Variants in AMPD2 observed in about 807,000 individuals in gnomAD.
AMPD2 encodes adenosine monophosphate deaminase 2.
A neutral mutation model predicts 91.3 loss-of-function variants in AMPD2; 52 were observed. The observed-to-expected ratio is 0.57, with a 90% CI of 0.46 to 0.72. AMPD2 has a LOEUF of 0.72. AMPD2 is among the 30% of genes least tolerant of loss of function. AMPD2 has a pLI of 0.00. For synonymous variants in AMPD2, 455 were observed against 456.4 expected (o/e 1.00, Z 0.04); for missense variants, 822 against 1,122.3 (o/e 0.73, Z 3.82).
At chr1:109,620,471 T>TG in intron 1 of AMPD2, 193 bp downstream of exon 1, 2 of 1,183,836 alleles carry the variant, frequency 1.7e-6, no homozygotes, top group Non-Finnish European at 2.2e-6. Flanking sequence ...CTAGGGTCTC[T>TG]GTCCCAGACC....
chr1:109,621,135 GCCGCTCAGACTCCC>G lies in AMPD2; in HGVS notation c.-35_-22del, dbSNP rs780593625. On this transcript the variant is annotated 5_prime_UTR_variant, in exon 2 of 19. Transcript: ENST00000528667. Reference sequence around the variant, plus strand: ...GTGGCAGAGCCAGGCCCCAGCCGGTGCCGCTCAGACTCCCCCGCTGTCGCCGCCGTGGTCCCAGC... The same window carrying G: ...GTGGCAGAGCCAGGCCCCAGCCGGTGCCGCTGTCGCCGCCGTGGTCCCAGC... 6 of 1,598,292 alleles carry G rather than the reference GCCGCTCAGACTCCC, an allele frequency of 3.8e-6. No individual in the cohort carries two copies. In the African/African-American group the frequency reaches 6.7e-5, roughly 18 times the overall value.
chr1:109,627,416 C>T lies in AMPD2; in HGVS notation c.861-13C>T, dbSNP rs753907099. On this transcript the variant is annotated splice_polypyrimidine_tract_variant and intron_variant, in intron 8 of 18. Transcript: ENST00000528667. ...CGGCTTGCTCTCCTCACCCAAGCTCCCCTCCATGCCAGTTGCTCAGAGGTG... is the reference window on the plus strand; with the variant it reads ...CGGCTTGCTCTCCTCACCCAAGCTCTCCTCCATGCCAGTTGCTCAGAGGTG... 1 of 1,613,960 alleles carries T rather than the reference C, an allele frequency of 6.2e-7. No individual in the cohort carries two copies. Among genetic ancestry groups the T allele is most frequent in the Non-Finnish European group, 8.5e-7 (1 of 1,179,980 alleles).
chr1:109,629,268 G>A lies in AMPD2; in HGVS notation c.1698+33G>A, dbSNP rs776742082. ...GGCAGCGCAGAGCTGGGTATGGGGA[G>A]GGCAGCCGGCTTCGCATCCAGCTGC... On this transcript the variant is annotated intron_variant, in intron 14 of 18. Transcript: ENST00000528667. 3 of 1,613,886 alleles carry A rather than the reference G, an allele frequency of 1.9e-6. No homozygotes were observed. In the Admixed American group the frequency reaches 5.0e-5, roughly 27 times the overall value.
At chr1:109,630,478 C>T (rs541220308) in intron 17 of AMPD2, 72 bp downstream of exon 17, 11 of 48,104 alleles carry the variant, frequency 2.3e-4, no homozygotes, top group African/African-American at 2.1e-3. Flanking sequence ...GGGTGGGGGG[C>T]GGTGGGGGGG....
At chr1:109,621,364 G>A (rs560167058) in intron 2 of AMPD2, 98 bp downstream of exon 2, 6 of 1,322,724 alleles carry the variant, frequency 4.5e-6, no homozygotes, top group East Asian at 2.7e-5. Context: ...CACCTCCTCC[G>A]GCATCCTCTC....
chr1:109,627,925 G>A (rs369930523), intron 10 of AMPD2, 22 bp downstream of exon 10: 27 of 1,612,460 alleles, frequency 1.7e-5, no homozygotes, highest in African/African-American at 5.4e-5. Flanking sequence ...CCCCGTGGCC[G>A]TCTCCATGTC....
chr1:109,621,196 C>T lies in AMPD2; in HGVS notation c.21C>T (p.Gly7=), dbSNP rs762011633. The T allele has an allele frequency of 1.9e-6, 3 of 1,607,812 alleles. No homozygotes were observed. Among genetic ancestry groups the T allele is most frequent in the Admixed American group, 3.4e-5 (2 of 59,370 alleles). MASYPS[G]SGKPKAKYPF... ...CAGCCATGGCATCCTATCCATCTGG[C>T]TCTGGCAAGCCCAAGGCCAAATATC... The change falls in exon 2 of 19, where the codon GGC becomes GGT. Residue 7 remains glycine, a synonymous_variant. Transcript: ENST00000528667.
Position 109,626,924 on chromosome 1 carries a change from C to T in AMPD2, c.718+12C>T. 2 of 1,608,158 alleles carry T rather than the reference C, an allele frequency of 1.2e-6. No homozygotes were observed. Among genetic ancestry groups the T allele is most frequent in the Non-Finnish European group, 1.7e-6 (2 of 1,176,716 alleles). On this transcript the variant is annotated intron_variant, in intron 7 of 18. Transcript: ENST00000528667. Reference sequence around the variant, plus strand: ...CCCTGTGTCTGCTGGTGGGACTCCCCATCTCTGCCCCATGCCATGTGCCCT... The same window carrying T: ...CCCTGTGTCTGCTGGTGGGACTCCCTATCTCTGCCCCATGCCATGTGCCCT...
Position 109,621,293 on chromosome 1 carries a change from A to T in AMPD2, c.91+27A>T. The stretch of plus-strand genomic sequence containing the variant: ...TGAGTGTGTGCTTCCTGGCCTCAGG[A>T]TAGATGCTGGGCTCTGTCTTGCCAC... On this transcript the variant is annotated intron_variant, in intron 2 of 18. Transcript: ENST00000528667. 4 of 1,609,506 alleles carry T rather than the reference A, an allele frequency of 2.5e-6. No individual in the cohort carries two copies. The South Asian group carries it at 4.4e-5, about 18-fold the overall frequency.
chr1:109,620,777 A>T, intron 1 of AMPD2, 137 bp from the exon 2 acceptor site: 1 of 1,297,454 alleles, frequency 7.7e-7, no homozygotes, highest in Non-Finnish European at 9.8e-7. Flanking sequence ...TGGAAGGACC[A>T]GCTAGCCTGG....
In AMPD2 at chr1:109,628,286, C is replaced by T. The variant is rs1329526452; in HGVS notation, c.1275+9C>T. On this transcript the variant is annotated intron_variant, in intron 11 of 18. Coordinates refer to ENST00000528667, the MANE Select transcript of AMPD2 (RefSeq NM_001368809.2). The surrounding 1 kb of genome is among the most constrained non-coding windows in gnomAD (Gnocchi z 7.1). ...CGCTGGATGTGCATGCGGTCTGTGC[C>T]AGTGGCGTGGGCTGTGGGACTGAGT... The T allele has an allele frequency of 6.2e-7, 1 of 1,612,916 alleles. No individual in the cohort carries two copies. The highest frequency in any genetic ancestry group is 1.7e-5 in the Admixed American group (1 of 60,000).
At chr1:109,629,715 C>G in intron 15 of AMPD2, 81 bp from the exon 16 acceptor site, 1 of 1,443,458 alleles carries the variant, frequency 6.9e-7, no homozygotes, top group Admixed American at 2.5e-5. Flanking sequence ...AGGACATATG[C>G]GTGCTGGGTG....
chr1:109,625,628 G>T lies in AMPD2; in HGVS notation c.223-34G>T. Reference sequence around the variant, plus strand: ...GTAGGAGAGTGCCCGAGGGCGGAGGGCCAGCCATGCTGACCTTCCTTCCCT... The same window carrying T: ...GTAGGAGAGTGCCCGAGGGCGGAGGTCCAGCCATGCTGACCTTCCTTCCCT... On this transcript the variant is annotated intron_variant, in intron 3 of 18. Transcript: ENST00000528667. This position sits in a 1 kb window ranked among gnomAD's most constrained non-coding sequence, Gnocchi z 4.0. The T allele has an allele frequency of 6.2e-7, 1 of 1,610,666 alleles. No individual in the cohort carries two copies. The highest frequency in any genetic ancestry group is 1.7e-4 in the Middle Eastern group (1 of 6,034).
chr1:109,630,293 A>G lies in AMPD2; in HGVS notation c.2044A>G (p.Ser682Gly). 1 of 1,613,890 alleles carries G rather than the reference A, an allele frequency of 6.2e-7. No homozygotes were observed. The highest frequency in any genetic ancestry group is 8.5e-7 in the Non-Finnish European group (1 of 1,179,990). Reference sequence around the variant, plus strand: ...GATCGGCATCGCCATGTCTCCGCTCAGCAACAACAGCCTCTTCCTCAGCTA... The same window carrying G: ...GATCGGCATCGCCATGTCTCCGCTCGGCAACAACAGCCTCTTCCTCAGCTA... ...AQIGIAMSPL[S>G]NNSLFLSYHR... The change falls in exon 17 of 19, where the codon AGC becomes GGC. Residue 682 changes from serine (S) to glycine (G), a missense_variant. Physicochemically the swap from Ser to Gly is moderately conservative, Grantham distance 56. This residue lies in a region of AMPD2 where 430 missense variants were observed against 606.0 expected (regional missense o/e 0.71). Transcript: ENST00000528667.
At chr1:109,626,075 G>A in intron 4 of AMPD2, 85 bp from the exon 5 acceptor site, 1 of 1,424,818 alleles carries the variant, frequency 7.0e-7, no homozygotes, top group Non-Finnish European at 9.9e-7. Flanking sequence ...GACAACATGT[G>A]CACAGCACCT....
In AMPD2 at chr1:109,625,784, G is replaced by A. The variant is rs943099020; in HGVS notation, c.345G>A (p.Gln115=). The change falls in exon 4 of 19, where the codon CAG becomes CAA. Residue 115 remains glutamine (Q), a synonymous_variant. Transcript: ENST00000528667. The surrounding 1 kb of genome is among the most constrained non-coding windows in gnomAD (Gnocchi z 4.0). ...AGCGGCTGGAGCGGCAGATCAGCCA[G>A]GATGTCAAGTGAGCCCGGCAGGCAG... ...RRQRLERQIS[Q]DVKLEPDILL... is the part of the protein sequence containing the mutation. The A allele has an allele frequency of 6.2e-7, 1 of 1,614,028 alleles. No individual in the cohort carries two copies. The highest frequency in any genetic ancestry group is 1.7e-5 in the Admixed American group (1 of 60,034).
Position 109,629,992 on chromosome 1 carries a change from G to C in AMPD2, c.1983+76G>C, listed in dbSNP as rs1413137517. The C allele has an allele frequency of 2.0e-6, 3 of 1,528,620 alleles. No individual in the cohort carries two copies. The East Asian group carries it at 6.8e-5, about 35-fold the overall frequency. 94.7% of individuals were successfully genotyped at this position (1,528,620 alleles called of 1,614,324 possible). ...AACCATTCGGGCCCCTTCAGCAACC[G>C]ATCCTCCTCCCACCCAGCCCTCAGA... On this transcript the variant is annotated intron_variant, in intron 16 of 18. Transcript: ENST00000528667.
At position 109,630,265 on chromosome 1, in the gene AMPD2, C is replaced by T; in HGVS notation, c.2016C>T (p.Ala672=). 7 of 1,613,676 alleles carry T rather than the reference C, an allele frequency of 4.3e-6. No individual in the cohort carries two copies. The highest frequency in any genetic ancestry group is 5.1e-6 in the Non-Finnish European group (6 of 1,180,016). The part of the protein sequence containing the change: ...APVLQYLYYL[A]QIGIAMSPLS... ...TCCTGCAGTACCTGTACTACCTGGC[C>T]CAGATCGGCATCGCCATGTCTCCGC... The change falls in exon 17 of 19, where the codon GCC becomes GCT. Residue 672 remains alanine, a synonymous_variant. Coordinates refer to ENST00000528667, the MANE Select transcript of AMPD2 (RefSeq NM_001368809.2).
intron 8 of AMPD2, 47 bp downstream of exon 8, chr1:109,627,363 G>A: frequency 6.2e-7 from 1 of 1,613,148 alleles, no homozygotes; most frequent in African/African-American, 1.3e-5. Flanking sequence ...GTGGGAGGTT[G>A]CGTTGGCTTG....
Sources: allele counts gnomAD v4.1 joint callset, GRCh38; gene constraint gnomAD v4.1.1; regional missense constraint gnomAD v4.1.1; non-coding constraint Gnocchi (gnomAD v3.1); transcripts MANE v1.5; gene names NCBI Gene and HGNC (gene_info 2026-07-23, HGNC 2026-07-21).